Variants in SPOCK1 observed in about 807,000 individuals in gnomAD.
The protein encoded by SPOCK1 is SPARC (osteonectin), cwcv and kazal like domains proteoglycan 1, also known as testican-1.
In SPOCK1, 23 loss-of-function variants were observed where a neutral mutation model predicts 55.3. The ratio of observed to expected loss-of-function variants is 0.42; its 90% CI spans 0.30 to 0.59. SPOCK1 has a LOEUF of 0.59. Ranked by LOEUF, SPOCK1 falls within the 20% of genes least tolerant of loss-of-function variation. The pLI is 0.22. For missense variants in SPOCK1, 499 were observed against 552.5 expected (o/e 0.90, Z 0.97); for synonymous variants, 226 against 221.0 (o/e 1.02, Z -0.20).
intron 3 of SPOCK1, among the ~76,000 whole-genome samples, chr5:137,154,001 A>T (rs1459171358): frequency 6.6e-6 from 1 of 152,072 alleles, no homozygotes; most frequent in Non-Finnish European, 1.5e-5. Context: ...AGAGTGATAT[A>T]ATAAGGCCGG....
intron 4 of SPOCK1, among the ~76,000 whole-genome samples, chr5:137,122,574 A>C (rs1218127932): frequency 6.6e-6 from 1 of 152,158 alleles, no homozygotes; most frequent in Non-Finnish European, 1.5e-5. Flanking sequence ...TATCCCTGAG[A>C]CCTTAGAGGA....
At chr5:137,305,491 T>A (rs897942669) in intron 2 of SPOCK1, among the ~76,000 whole-genome samples, 2 of 152,200 alleles carry the variant, frequency 1.3e-5, no homozygotes, top group Admixed American at 6.5e-5. Flanking sequence ...AGAGACTCCC[T>A]GAGATAGGGC....
intron 2 of SPOCK1, among the ~76,000 whole-genome samples, chr5:137,462,473 C>T (rs923650939): frequency 2.0e-5 from 3 of 152,184 alleles, no homozygotes; most frequent in African/African-American, 7.2e-5. Flanking sequence ...GCAGCTGGAT[C>T]GTGCACTGGC....
intron 2 of SPOCK1, among the ~76,000 whole-genome samples, chr5:137,302,802 A>T (rs1034125756): frequency 2.0e-5 from 3 of 152,092 alleles, no homozygotes; most frequent in Admixed American, 6.6e-5. Context: ...AGAAACTCAA[A>T]ATAGTACATC....
chr5:137,065,581 G>A (rs1752490325), intron 6 of SPOCK1, among the ~76,000 whole-genome samples: 1 of 152,182 alleles, frequency 6.6e-6, no homozygotes, highest in Admixed American at 6.5e-5. Flanking sequence ...ATCTGGTGGA[G>A]CAAAAATAAT....
chr5:137,265,295 C>T (rs549380405), intron 3 of SPOCK1, among the ~76,000 whole-genome samples: 1 of 152,306 alleles, frequency 6.6e-6, no homozygotes, highest in East Asian at 1.9e-4. Context: ...TATTCATTTG[C>T]AAGCTTTGGC....
intron 5 of SPOCK1, among the ~76,000 whole-genome samples, chr5:137,071,761 A>G (rs540331268): frequency 1.6e-4 from 24 of 152,066 alleles, no homozygotes; most frequent in Admixed American, 3.3e-4. Flanking sequence ...TCTTCCCACA[A>G]CACTTCTCTA....
chr5:137,379,315 A>G (rs1162730834), intron 2 of SPOCK1, among the ~76,000 whole-genome samples: 1 of 152,194 alleles, frequency 6.6e-6, no homozygotes. Flanking sequence ...AAGACAGAAT[A>G]ACCATTTGAA....
At chr5:137,100,449 T>C (rs1299407887) in intron 5 of SPOCK1, among the ~76,000 whole-genome samples, 3 of 152,214 alleles carry the variant, frequency 2.0e-5, no homozygotes, top group Non-Finnish European at 4.4e-5. Context: ...ACGTGCATGA[T>C]GTAGTGAATC....
chr5:137,219,580 C>A (rs571529639), intron 3 of SPOCK1, among the ~76,000 whole-genome samples: 1 of 152,228 alleles, frequency 6.6e-6, no homozygotes, highest in Admixed American at 6.5e-5. Context: ...GCTCAAAATA[C>A]CACCAAACAA....
At chr5:137,217,099 A>T (rs1213550312) in intron 3 of SPOCK1, among the ~76,000 whole-genome samples, 2 of 152,192 alleles carry the variant, frequency 1.3e-5, no homozygotes, top group Non-Finnish European at 2.9e-5. Context: ...ATGAGAAGCC[A>T]CAAGGAATCA....
intron 4 of SPOCK1, among the ~76,000 whole-genome samples, chr5:137,132,000 A>ATATATG (rs1554099252): frequency 4.3e-4 from 25 of 58,026 alleles, no homozygotes; most frequent in African/African-American, 2.0e-3. Flanking sequence ...ATATATATAT[A>ATATATG]TATATATATA....
intron 2 of SPOCK1, among the ~76,000 whole-genome samples, chr5:137,325,313 G>A (rs917138636): frequency 6.6e-6 from 1 of 151,998 alleles, no homozygotes; most frequent in Non-Finnish European, 1.5e-5. Context: ...TTCTCAAATC[G>A]GGAAAATTTC....
chr5:137,042,289 G>A (rs538290252), intron 6 of SPOCK1, among the ~76,000 whole-genome samples: 1 of 152,284 alleles, frequency 6.6e-6, no homozygotes, highest in South Asian at 2.1e-4. Context: ...GTGGTTCCCA[G>A]GGTTTTGAGG....
chr5:137,158,412 G>A (rs1245963974), intron 3 of SPOCK1, among the ~76,000 whole-genome samples: 1 of 152,164 alleles, frequency 6.6e-6, no homozygotes, highest in Non-Finnish European at 1.5e-5. Flanking sequence ...AACGTCCAAA[G>A]AACTCCTTGG....
At chr5:137,404,685 T>C (rs967314089) in intron 2 of SPOCK1, among the ~76,000 whole-genome samples, 1 of 151,854 alleles carries the variant, frequency 6.6e-6, no homozygotes, top group African/African-American at 2.4e-5. Flanking sequence ...CCCAAAGTGC[T>C]GAAATTACAG....
intron 3 of SPOCK1, among the ~76,000 whole-genome samples, chr5:137,154,244 G>A (rs183625150): frequency 5.3e-5 from 8 of 151,892 alleles, no homozygotes; most frequent in African/African-American, 7.2e-5. Flanking sequence ...CCAAGATGGC[G>A]CCGTTGCACT....
intron 2 of SPOCK1, among the ~76,000 whole-genome samples, chr5:137,413,740 C>T (rs1268526878): frequency 6.6e-6 from 1 of 152,170 alleles, no homozygotes; most frequent in Non-Finnish European, 1.5e-5. Context: ...AAGGCTTCTG[C>T]CTCTATACAA....
At chr5:137,011,987 C>A (rs906462458) in intron 6 of SPOCK1, among the ~76,000 whole-genome samples, 5 of 152,180 alleles carry the variant, frequency 3.3e-5, no homozygotes, top group African/African-American at 1.2e-4. Flanking sequence ...CCCATGTTAG[C>A]ACTTTGCCTT....
Sources: allele counts gnomAD v4.1 joint callset (sites outside exome capture counted in the v4.1 genomes callset), GRCh38; gene constraint gnomAD v4.1.1; transcripts MANE v1.5; gene names NCBI Gene and HGNC (gene_info 2026-07-23, HGNC 2026-07-21).